The following TBX1 variants were observed in gnomAD, a reference collection of about 807,000 sequenced individuals.
TBX1 encodes the protein T-box transcription factor 1.
In TBX1, 16 loss-of-function variants were observed where a neutral mutation model predicts 40.8. That is an observed-to-expected ratio of 0.39 (90% CI 0.27 to 0.60). TBX1 has a LOEUF of 0.60. TBX1 is among the 20% of genes least tolerant of loss of function. The pLI, the probability that TBX1 is intolerant of heterozygous loss-of-function variation, is 0.51. For synonymous variants in TBX1, 403 were observed against 336.8 expected (o/e 1.20, Z -2.15); for missense variants, 755 against 728.5 (o/e 1.04, Z -0.42).
downstream of TBX1, among the ~76,000 whole-genome samples, chr22:19,771,937 AGGT>A (rs1489321696): frequency 2.0e-5 from 3 of 152,330 alleles, no homozygotes; most frequent in African/African-American, 2.4e-5. Context: ...ACTTTCTTGC[AGGT>A]GGTGACTCCG....
At chr22:19,762,732 C>T (rs536927807) in intron 1 of TBX1, among the ~76,000 whole-genome samples, 1 of 152,070 alleles carries the variant, frequency 6.6e-6, no homozygotes, top group East Asian at 1.9e-4. Flanking sequence ...GGGCTCTGAG[C>T]CTTGGCCTCA....
In TBX1 at chr22:19,766,124, C is replaced by G. The variant is rs72646964; in HGVS notation, c.1036+122C>G. On this transcript the variant is annotated intron_variant, in intron 6 of 6. Transcript: ENST00000649276. Reference sequence around the variant, plus strand: ...CCAGGCTTTCGCGCCGGTTGCACAACGGCCGCGGCGGCGGGCAAGCGCGCA... The same window carrying G: ...CCAGGCTTTCGCGCCGGTTGCACAAGGGCCGCGGCGGCGGGCAAGCGCGCA... 4,079 of 906,114 alleles carry G rather than the reference C, an allele frequency of 4.5e-3. 115 individuals carry two copies. In the African/African-American group the frequency reaches 0.063, roughly 14 times the overall value. The allele number at this position is 906,114 out of a possible 1,614,324, so 56.1% of individuals were successfully genotyped here.
chr22:19,776,356 G>C (rs1215684048), intron 8 of TBX1, among the ~76,000 whole-genome samples: 1 of 152,196 alleles, frequency 6.6e-6, no homozygotes, highest in Non-Finnish European at 1.5e-5. Context: ...CCCTCACTGG[G>C]GGTGGGAGGG....
At chr22:19,769,449 T>G (rs138355780), downstream of TBX1, among the ~76,000 whole-genome samples, 7 of 152,368 alleles carry the variant, frequency 4.6e-5, no homozygotes, top group East Asian at 1.4e-3. Context: ...AGTTTGTGCA[T>G]CTGAGAACTT....
At position 19,767,306 on chromosome 22, in the gene TBX1, C is replaced by T. The variant is rs1206583452; in HGVS notation, c.*439C>T. Reference sequence around the variant, plus strand: ...ACTGTAGATACCGCCCCGGCGCCGACTTGATAAACGGTTTCGCCTCTTTTG... The same window carrying T: ...ACTGTAGATACCGCCCCGGCGCCGATTTGATAAACGGTTTCGCCTCTTTTG... On this transcript the variant is annotated 3_prime_UTR_variant, in exon 7 of 7. Transcript: ENST00000649276. 2.0e-6 allele frequency: 2 copies of T among 992,478 alleles called. No individual in the cohort carries two copies. The highest frequency in any genetic ancestry group is 2.4e-6 in the Non-Finnish European group (2 of 834,746). The allele number at this position is 992,478 out of a possible 1,614,324, so 61.5% of individuals were successfully genotyped here.
rs1200093941 is a variant in TBX1 at position 19,766,442 on chromosome 22, C to A, written c.1090C>A (p.Leu364Ile). Residue 364 changes from leucine (L) to isoleucine (I), a missense_variant, in exon 7 of 7, where the codon CTC becomes ATC. Leu to Ile is a conservative substitution (Grantham distance 5). Transcript: ENST00000649276. Reference sequence around the variant, plus strand: ...GCGCGACGCGGGCGGGCCAGCAGTGCTCGGGGACCCGGCGCATCCTCCGCA... The same window carrying A: ...GCGCGACGCGGGCGGGCCAGCAGTGATCGGGGACCCGGCGCATCCTCCGCA... ...FQRDAGGPAV[L>I]GDPAHPPQLL... 3.0e-6 allele frequency: 4 copies of A among 1,338,590 alleles called. No individual in the cohort carries two copies. Among genetic ancestry groups the A allele is most frequent in the East Asian group, 3.2e-5 (1 of 30,916 alleles). The allele number at this position is 1,338,590 out of a possible 1,614,324, so 82.9% of individuals were successfully genotyped here.
intron 4 of TBX1, 107 bp from the exon 5 acceptor site, chr22:19,765,651 A>C: frequency 8.0e-7 from 1 of 1,254,824 alleles, no homozygotes. Flanking sequence ...TCAGGGCAGC[A>C]GAAAGGCCCT....
At chr22:19,768,067 A>C (rs1936919707), downstream of TBX1, among the ~76,000 whole-genome samples, 1 of 152,120 alleles carries the variant, frequency 6.6e-6, no homozygotes, top group African/African-American at 2.4e-5. Flanking sequence ...GGGCGAGAGG[A>C]ACTCTTTGAT....
downstream of TBX1, among the ~76,000 whole-genome samples, chr22:19,768,387 T>C (rs112491997): frequency 1.3e-5 from 2 of 152,194 alleles, no homozygotes; most frequent in African/African-American, 2.4e-5. Context: ...GTCTTAGTAA[T>C]TGAATGGCAG....
chr22:19,768,683 C>T (rs1936932467), downstream of TBX1, among the ~76,000 whole-genome samples: 1 of 152,166 alleles, frequency 6.6e-6, no homozygotes, highest in Admixed American at 6.5e-5. Context: ...GCAGCCATTC[C>T]GTACTCCACA....
At chr22:19,764,718 C>T (rs1188942616) in intron 3 of TBX1, among the ~76,000 whole-genome samples, 1 of 152,202 alleles carries the variant, frequency 6.6e-6, no homozygotes, top group Non-Finnish European at 1.5e-5. Context: ...TGGGCAGGCA[C>T]CTAAGGAAAG....
At chr22:19,759,759 G>GT, upstream of TBX1, 2 of 1,510,354 alleles carry the variant, frequency 1.3e-6, no homozygotes. Flanking sequence ...TGCAAAGTAG[G>GT]TGGAGGCAGC....
chr22:19,779,884 G>A (rs1023195366), downstream of TBX1, among the ~76,000 whole-genome samples: 6 of 152,202 alleles, frequency 3.9e-5, no homozygotes, highest in Admixed American at 2.6e-4. Flanking sequence ...CCTGGCTGGC[G>A]GCTCCCAGGC....
chr22:19,761,234 G>A lies in TBX1; in HGVS notation c.391G>A (p.Glu131Lys), dbSNP rs1228619238. 1.9e-6 allele frequency: 3 copies of A among 1,572,342 alleles called. No individual in the cohort carries two copies. Among genetic ancestry groups the A allele is most frequent in the Non-Finnish European group, 2.6e-6 (3 of 1,158,130 alleles). The change falls in exon 1 of 7, where the codon GAG (glutamate) becomes AAG (lysine). Residue 131 changes from glutamate (E) to lysine (K), a missense_variant. Coordinates refer to ENST00000649276, the MANE Select transcript of TBX1 (RefSeq NM_001379200.1). ...VQLEMKALWD[E>K]FNQLGTEMIV... ...GCTAGAGATGAAGGCGCTGTGGGAC[G>A]AGTTCAACCAGCTGGGCACCGAGAT...
Position 19,764,247 on chromosome 22 carries a change from A to G in TBX1, c.632A>G (p.Lys211Arg), listed in dbSNP as rs755518264. The change falls in exon 3 of 7, where the codon AAG (lysine) becomes AGG (arginine). Residue 211 changes from lysine to arginine, a missense_variant. Around this residue, in one of 3 missense-constraint regions of TBX1, gnomAD observed 144 missense variants for 238.0 expected, o/e 0.61. Transcript: ENST00000649276. ...RVHYHPDSPA[K>R]GAQWMKQIVS... is the part of the protein sequence containing the mutation. ...CACTACCACCCGGACTCGCCTGCCA[A>G]GGGCGCGCAGTGGATGAAGCAAATC... The G allele has an allele frequency of 6.2e-6, 10 of 1,613,404 alleles. No homozygotes were observed. The Admixed American group carries it at 6.7e-5, about 11-fold the overall frequency.
chr22:19,775,217 CCA>C (rs1937046861), intron 8 of TBX1, among the ~76,000 whole-genome samples: 1 of 152,152 alleles, frequency 6.6e-6, no homozygotes, highest in Non-Finnish European at 1.5e-5. Context: ...CCTCAGCCTC[CCA>C]AGTAGCTGGG....
chr22:19,773,036 G>A (rs1046870593), intron 8 of TBX1, among the ~76,000 whole-genome samples: 1 of 152,228 alleles, frequency 6.6e-6, no homozygotes, highest in Non-Finnish European at 1.5e-5. Flanking sequence ...CAGGAAGCCC[G>A]GGCACCGCAG....
At chr22:19,782,904 G>A (rs780450734), downstream of TBX1, 6 of 1,613,964 alleles carry the variant, frequency 3.7e-6, no homozygotes, top group Non-Finnish European at 5.1e-6. Flanking sequence ...CCCCTCTCCT[G>A]GACTCCAGGG....
At chr22:19,758,088 C>T (rs1245145519), upstream of TBX1, among the ~76,000 whole-genome samples, 1 of 152,152 alleles carries the variant, frequency 6.6e-6, no homozygotes, top group Non-Finnish European at 1.5e-5. Flanking sequence ...GGGCCAGCCT[C>T]CCCACTGGCG....
Sources: gnomAD v4.1 joint callset for allele counts (sites outside exome capture counted in the v4.1 genomes callset) on GRCh38, gnomAD v4.1.1 for gene constraint, gnomAD v4.1.1 regional missense constraint, MANE v1.5 for transcripts, NCBI Gene and HGNC (gene_info 2026-07-23, HGNC 2026-07-21) for gene names.